The following MICAL2 variants were observed in gnomAD, a reference collection of about 807,000 sequenced individuals.
The protein encoded by MICAL2 is [F-actin]-monooxygenase MICAL2.
Under a neutral mutation model 127.3 loss-of-function variants are expected in MICAL2, and 77 were observed. The ratio of observed to expected loss-of-function variants is 0.60; its 90% CI spans 0.50 to 0.73. The LOEUF (loss-of-function observed/expected upper bound fraction) is 0.73, where lower values mean the gene tolerates loss of function less well. MICAL2 is among the 30% of genes least tolerant of loss of function. The pLI is 0.00. For synonymous variants in MICAL2, 570 were observed against 551.1 expected (o/e 1.03, Z -0.48); for missense variants, 1,351 against 1,434.4 (o/e 0.94, Z 0.94).
At chr11:12,328,453 G>A (rs1341087775) in intron 32 of MICAL2, among the ~76,000 whole-genome samples, 1 of 152,142 alleles carries the variant, frequency 6.6e-6, no homozygotes, top group African/African-American at 2.4e-5. Flanking sequence ...CAGTAAAGAG[G>A]AGATTGTTTT....
downstream of MICAL2, chr11:12,294,822 C>CTCCTCCTCT (rs764412981): frequency 5.1e-5 from 78 of 1,517,514 alleles, no homozygotes; most frequent in South Asian, 8.8e-4. Flanking sequence ...CCTCCTCCTC[C>CTCCTCCTCT]TCCTCCTCCT....
intron 29 of MICAL2, among the ~76,000 whole-genome samples, chr11:12,303,162 A>C (rs1361766157): frequency 1.3e-5 from 2 of 152,280 alleles, no homozygotes; most frequent in South Asian, 2.1e-4. Flanking sequence ...CCCTTGATAC[A>C]TGGGGATTAT....
At chr11:12,314,906 T>C (rs1864216652) in intron 29 of MICAL2, among the ~76,000 whole-genome samples, 1 of 152,186 alleles carries the variant, frequency 6.6e-6, no homozygotes, top group South Asian at 2.1e-4. Flanking sequence ...CAGTCCTGAA[T>C]GTGCATGGAT....
chr11:12,302,401 C>G (rs773966348), intron 29 of MICAL2, among the ~76,000 whole-genome samples: 11 of 152,162 alleles, frequency 7.2e-5, no homozygotes, highest in Admixed American at 1.3e-4. Context: ...GCTCCCCTTG[C>G]TCCACATCCT....
chr11:12,165,749 T>C (rs773755122), intron 3 of MICAL2, among the ~76,000 whole-genome samples: 5 of 152,226 alleles, frequency 3.3e-5, no homozygotes, highest in Admixed American at 6.5e-5. Flanking sequence ...TGGTGAGAGA[T>C]TGGGGACCAG....
At chr11:12,335,596 G>T (rs575341715) in intron 32 of MICAL2, among the ~76,000 whole-genome samples, 29 of 152,112 alleles carry the variant, frequency 1.9e-4, no homozygotes, top group East Asian at 5.8e-4. Flanking sequence ...GGTCTAACAT[G>T]TAAGTCTTTA....
At chr11:12,299,030 A>G (rs941730680) in intron 29 of MICAL2, among the ~76,000 whole-genome samples, 3 of 152,166 alleles carry the variant, frequency 2.0e-5, no homozygotes, top group African/African-American at 4.8e-5. Flanking sequence ...GGGTAAATAT[A>G]TTTTCCTGGC....
chr11:12,260,176 G>T, intron 26 of MICAL2: 1 of 1,497,834 alleles, frequency 6.7e-7, no homozygotes, highest in Non-Finnish European at 8.9e-7. Flanking sequence ...CCGCTGACAT[G>T]GCTGGCTGCC....
intron 21 of MICAL2, among the ~76,000 whole-genome samples, chr11:12,245,917 G>A (rs1192193764): frequency 6.6e-6 from 1 of 152,252 alleles, no homozygotes; most frequent in Non-Finnish European, 1.5e-5. Flanking sequence ...GCACGGACCA[G>A]GCAGTGGCTT....
At chr11:12,188,598 T>G (rs150008846) in intron 3 of MICAL2, among the ~76,000 whole-genome samples, 1 of 152,324 alleles carries the variant, frequency 6.6e-6, no homozygotes, top group Non-Finnish European at 1.5e-5. Context: ...TGTATAGCAC[T>G]GTTTTACTCT....
downstream of MICAL2, chr11:12,293,835 G>A (rs935240734): frequency 1.2e-6 from 2 of 1,606,002 alleles, no homozygotes; most frequent in East Asian, 2.2e-5. Flanking sequence ...CACCCCATCT[G>A]GGGGAAGGAC....
intron 3 of MICAL2, 41 bp from the exon 4 acceptor site, chr11:12,204,208 CT>C: frequency 6.3e-7 from 1 of 1,580,030 alleles, no homozygotes. Context: ...GTCTGTGATG[CT>C]AGAGGTTACC....
At chr11:12,260,461 T>G in intron 26 of MICAL2, 1 of 1,146,340 alleles carries the variant, frequency 8.7e-7, no homozygotes, top group East Asian at 4.6e-5. Flanking sequence ...AGAAAGCATT[T>G]TTTTCTATGA....
At chr11:12,209,745 A>T in intron 6 of MICAL2, 147 bp downstream of exon 6, 1 of 694,310 alleles carries the variant, frequency 1.4e-6, no homozygotes, top group South Asian at 1.7e-5. Context: ...GTCCCTCTTG[A>T]GGTAGAACAG....
intron 3 of MICAL2, among the ~76,000 whole-genome samples, chr11:12,172,757 A>G (rs1334124212): frequency 6.6e-6 from 1 of 152,004 alleles, no homozygotes. Context: ...ATTGAATCCC[A>G]GGTACCACCC....
chr11:12,259,924 G>T lies in MICAL2; in HGVS notation c.3334+27G>T, dbSNP rs768084378. On this transcript the variant is annotated intron_variant, in intron 26 of 27. Transcript: ENST00000683283. ...TATCTCCACCTCCTTCTTTAGGAAG[G>T]TGCTGGGCTGGCCCCTCAGGCTGCC... The T allele has an allele frequency of 1.4e-5, 22 of 1,610,432 alleles. No individual in the cohort carries two copies. The African/African-American group carries it at 2.5e-4, about 19-fold the overall frequency.
chr11:12,347,266 G>T (rs950971499), intron 32 of MICAL2, among the ~76,000 whole-genome samples: 2 of 152,268 alleles, frequency 1.3e-5, no homozygotes, highest in East Asian at 3.9e-4. Flanking sequence ...TCCCCTGTGT[G>T]CCCACAGTGC....
At chr11:12,128,926 C>A (rs1483152631) in intron 1 of MICAL2, among the ~76,000 whole-genome samples, 2 of 152,230 alleles carry the variant, frequency 1.3e-5, no homozygotes, top group Admixed American at 1.3e-4. Context: ...TGGCCCATAG[C>A]AAGCACTCTG....
chr11:12,226,074 G>A (rs1857405795), intron 13 of MICAL2, 97 bp from the exon 14 acceptor site: 1 of 1,180,536 alleles, frequency 8.5e-7, no homozygotes, highest in Non-Finnish European at 1.2e-6. Context: ...ACCTGGCAGA[G>A]TGTCACCCTC....
Sources: allele counts gnomAD v4.1 joint callset (sites outside exome capture counted in the v4.1 genomes callset), GRCh38; gene constraint gnomAD v4.1.1; transcripts MANE v1.5; gene names NCBI Gene and HGNC (gene_info 2026-07-23, HGNC 2026-07-21).